The following VIRMA variants were observed in gnomAD, a reference collection of about 807,000 sequenced individuals.
VIRMA encodes vir like m6A methyltransferase associated, also known as protein virilizer homolog.
VIRMA carries 65 observed loss-of-function variants against 182.4 expected under a neutral mutation model. The ratio of observed to expected loss-of-function variants is 0.36; its 90% CI spans 0.29 to 0.44. The LOEUF is 0.44. Ranked by LOEUF, VIRMA falls within the 20% of genes least tolerant of loss-of-function variation. The pLI, the probability that VIRMA is intolerant of heterozygous loss-of-function variation, is 1.00. For missense variants in VIRMA, 1,752 were observed against 2,158.1 expected, an observed-to-expected ratio of 0.81 and a Z score of 3.73; for synonymous variants, 709 against 743.1, an observed-to-expected ratio of 0.95 and a Z score of 0.75.
At chr8:94,547,975 T>C (rs1586117439) in intron 1 of VIRMA, among the ~76,000 whole-genome samples, 1 of 140,330 alleles carries the variant, frequency 7.1e-6, no homozygotes, top group Admixed American at 6.9e-5. Flanking sequence ...GTCAAAGTTG[T>C]AGTAAGCCAT....
rs554225687 is a variant in VIRMA, at chr8:94,538,400, T to G, written c.180-54A>C. 126 of 1,054,752 alleles carry G rather than the reference T, an allele frequency of 1.2e-4. 1 individual carries two copies. In the African/African-American group the frequency reaches 1.7e-3, roughly 14 times the overall value. The allele number at this position is 1,054,752 out of a possible 1,614,324, so 65.3% of individuals were successfully genotyped here. ...GCCTTTGTAACAAACACTTCCTAAA[T>G]TAAAACAAATAACATAGTAAGTACA... On this transcript the variant is annotated intron_variant, in intron 2 of 23. Transcript: ENST00000297591.
chr8:94,535,886 C>G (rs1185997893), intron 4 of VIRMA, among the ~76,000 whole-genome samples: 3 of 152,140 alleles, frequency 2.0e-5, no homozygotes, highest in Non-Finnish European at 2.9e-5. Flanking sequence ...GCCATTAACC[C>G]TCAATATTTC....
intron 4 of VIRMA, among the ~76,000 whole-genome samples, chr8:94,535,794 A>T (rs1815322918): frequency 6.6e-6 from 1 of 152,104 alleles, no homozygotes; most frequent in Admixed American, 6.6e-5. Flanking sequence ...AAAAAAAAAA[A>T]AAGTAAAGGA....
chr8:94,504,189 T>TAA (rs201084337), intron 16 of VIRMA, among the ~76,000 whole-genome samples: 13 of 139,158 alleles, frequency 9.3e-5, no homozygotes, highest in East Asian at 6.3e-4. Context: ...AAAATAAAAT[T>TAA]AAAAAAAAAA....
At position 94,518,793 on chromosome 8, in the gene VIRMA, C is replaced by T. The variant is rs151256043; in HGVS notation, c.2513+192G>A. 1.2e-3 allele frequency among the ~76,000 whole-genome samples: 190 copies of T among 152,326 alleles called. 2 individuals carry two copies. Among genetic ancestry groups the T allele is most frequent in the African/African-American group, 4.4e-3 (183 of 41,580 alleles). ...CTGAAGGAAGGTGCTAAAGAGTCCA[C>T]TGTATTACTTTATAGCCACATCTTA... On this transcript the variant is annotated intron_variant, in intron 9 of 23. Transcript: ENST00000297591.
chr8:94,494,245 A>G (rs1477907909), intron 20 of VIRMA, among the ~76,000 whole-genome samples: 1 of 152,054 alleles, frequency 6.6e-6, no homozygotes, highest in African/African-American at 2.4e-5. Flanking sequence ...GTTTGAGGCT[A>G]GGAGTGAGAC....
intron 16 of VIRMA, 92 bp downstream of exon 16, chr8:94,506,408 C>T (rs533371302): frequency 1.3e-6 from 1 of 785,068 alleles, no homozygotes; most frequent in East Asian, 2.6e-5. Flanking sequence ...CTTCAACTTT[C>T]TACAATAGGT....
At chr8:94,532,452 CAT>C (rs1815203302) in intron 5 of VIRMA, among the ~76,000 whole-genome samples, 1 of 152,206 alleles carries the variant, frequency 6.6e-6, no homozygotes, top group Non-Finnish European at 1.5e-5. Flanking sequence ...AGGCTGTACA[CAT>C]GACATAAAAA....
At chr8:94,542,072 A>G (rs1217445497) in intron 2 of VIRMA, among the ~76,000 whole-genome samples, 2 of 152,210 alleles carry the variant, frequency 1.3e-5, no homozygotes, top group Admixed American at 6.5e-5. Flanking sequence ...TATGGTAGCC[A>G]GTCCCTAAGA....
chr8:94,493,444 C>T (rs946043265), intron 20 of VIRMA, among the ~76,000 whole-genome samples: 2 of 152,172 alleles, frequency 1.3e-5, no homozygotes, highest in Non-Finnish European at 2.9e-5. Flanking sequence ...TGCTGCCCAA[C>T]GTGGTAGCCA....
chr8:94,531,411 A>C (rs957002717), intron 5 of VIRMA, among the ~76,000 whole-genome samples: 1 of 152,226 alleles, frequency 6.6e-6, no homozygotes, highest in Admixed American at 6.5e-5. Flanking sequence ...ACTTTTCATC[A>C]CTGGGGAGAT....
chr8:94,523,984 G>C (rs1273444572), intron 8 of VIRMA, among the ~76,000 whole-genome samples: 1 of 144,784 alleles, frequency 6.9e-6, no homozygotes, highest in African/African-American at 2.6e-5. Flanking sequence ...CTGTGTGTGT[G>C]TGTGTTTTTG....
At chr8:94,535,173 G>A (rs182824648) in intron 4 of VIRMA, among the ~76,000 whole-genome samples, 166 bp from the exon 5 acceptor site, 3 of 152,226 alleles carry the variant, frequency 2.0e-5, no homozygotes, top group East Asian at 1.9e-4. Context: ...TTTTAGTGTG[G>A]TTCTCCAGAG....
At chr8:94,542,622 C>G (rs1456488463) in intron 2 of VIRMA, among the ~76,000 whole-genome samples, 1 of 152,176 alleles carries the variant, frequency 6.6e-6, no homozygotes, top group African/African-American at 2.4e-5. Context: ...ATTATCCAAT[C>G]TTCCTCATTC....
chr8:94,493,058 A>T (rs2130257428), intron 20 of VIRMA, among the ~76,000 whole-genome samples: 1 of 152,288 alleles, frequency 6.6e-6, no homozygotes, highest in East Asian at 1.9e-4. Context: ...AGGGCTATTA[A>T]TCTAGGAGAA....
At chr8:94,516,468 T>G (rs4734280) in intron 10 of VIRMA, among the ~76,000 whole-genome samples, 22,420 of 152,144 alleles carry the variant, frequency 0.15, 2,069 homozygotes, top group South Asian at 0.3. Flanking sequence ...CCAAAAATGT[T>G]TCTAGAAAAG....
chr8:94,527,555 T>G (rs1815018007), intron 7 of VIRMA, among the ~76,000 whole-genome samples, 192 bp from the exon 8 acceptor site: 1 of 152,204 alleles, frequency 6.6e-6, no homozygotes, highest in Non-Finnish European at 1.5e-5. Context: ...ACAAACTTCT[T>G]TTTTTCCTGA....
intron 5 of VIRMA, among the ~76,000 whole-genome samples, 193 bp downstream of exon 5, chr8:94,534,646 T>G (rs751468091): frequency 1.3e-5 from 2 of 149,648 alleles, no homozygotes; most frequent in Non-Finnish European, 3.0e-5. Flanking sequence ...TCTCCCCCTC[T>G]TCCTCCTTCT....
rs376452087 is a variant in VIRMA, at chr8:94,511,374, A to G, written c.3201T>C (p.Ile1067=). 4 of 1,613,946 alleles carry G rather than the reference A, an allele frequency of 2.5e-6. No homozygotes were observed. Among genetic ancestry groups the G allele is most frequent in the East Asian group, 2.2e-5 (1 of 44,868 alleles). ...EQKIQNDIID[I]LLTFTQGVNE... Reference sequence around the variant, plus strand: ...TAACTCCTTGTGTAAAAGTCAGTAAAATATCAATGATATCATTCTGAATTT... The same window carrying G: ...TAACTCCTTGTGTAAAAGTCAGTAAGATATCAATGATATCATTCTGAATTT... Residue 1067 remains isoleucine (I), a synonymous_variant, in exon 13 of 24, where the codon ATT becomes ATC. Transcript: ENST00000297591.
Sources: gnomAD v4.1 joint callset for allele counts (sites outside exome capture counted in the v4.1 genomes callset) on GRCh38, gnomAD v4.1.1 for gene constraint, MANE v1.5 for transcripts, NCBI Gene and HGNC (gene_info 2026-07-23, HGNC 2026-07-21) for gene names.